Variants in VAV1 observed in about 807,000 individuals in gnomAD.
VAV1 encodes proto-oncogene vav.
Under a neutral mutation model 128.1 loss-of-function variants are expected in VAV1, and 33 were observed. The observed-to-expected ratio is 0.26, with a 90% CI of 0.20 to 0.34. VAV1 has a LOEUF of 0.34. Among genes scored for constraint, VAV1 ranks in the 10% least tolerant of loss-of-function variants. VAV1 has a pLI of 1.00. For synonymous variants in VAV1, 394 were observed against 409.8 expected (o/e 0.96, Z 0.47); for missense variants, 715 against 1,093.7 (o/e 0.65, Z 4.88).
chr19:6,854,440 C>T (rs982431376), intron 26 of VAV1, among the ~76,000 whole-genome samples: 3 of 152,046 alleles, frequency 2.0e-5, no homozygotes, highest in South Asian at 2.1e-4. Flanking sequence ...GTGCCAGTCA[C>T]GGTGGCTCAT....
chr19:6,803,098 C>T, intron 1 of VAV1, among the ~76,000 whole-genome samples: 1 of 152,102 alleles, frequency 6.6e-6, no homozygotes. Context: ...TGGGACGGTT[C>T]TTTGTTTTGC....
chr19:6,826,693 C>T lies in VAV1; in HGVS notation c.909C>T (p.Asp303=), dbSNP rs368533641. The T allele has an allele frequency of 5.8e-5, 90 of 1,554,082 alleles. No homozygotes were observed. The highest frequency in any genetic ancestry group is 6.9e-5 in the Non-Finnish European group (79 of 1,152,488). ...HLDRVAAARE[D]VQMKLEECSQ... ...ACCGTGTGGCCGCAGCCCGGGAGGACGTGCAGATGAAGCTGGAGGTGGGCG... is the reference window on the plus strand; with the variant it reads ...ACCGTGTGGCCGCAGCCCGGGAGGATGTGCAGATGAAGCTGGAGGTGGGCG... Residue 303 remains aspartate, a synonymous_variant, in exon 9 of 27, where the codon GAC becomes GAT. Coordinates refer to ENST00000602142, the MANE Select transcript of VAV1 (RefSeq NM_005428.4). The surrounding 1 kb of genome is among the most constrained non-coding windows in gnomAD (Gnocchi z 4.1).
chr19:6,790,854 A>G (rs1971003334), intron 1 of VAV1, among the ~76,000 whole-genome samples: 2 of 152,200 alleles, frequency 1.3e-5, no homozygotes, highest in Non-Finnish European at 2.9e-5. Context: ...TTGCCATGGA[A>G]GGGGGCATCA....
At chr19:6,852,733 A>G (rs1163456798) in intron 24 of VAV1, among the ~76,000 whole-genome samples, 2 of 151,868 alleles carry the variant, frequency 1.3e-5, no homozygotes, top group East Asian at 1.9e-4. Flanking sequence ...AGAAAAAAAA[A>G]AAAGAAAGAA....
intron 1 of VAV1, among the ~76,000 whole-genome samples, chr19:6,811,503 G>A (rs1821137602): frequency 6.6e-6 from 1 of 152,132 alleles, no homozygotes; most frequent in African/African-American, 2.4e-5. Context: ...GTTAAGGGAG[G>A]CTGCAGTTGG....
At position 6,836,482 on chromosome 19, in the gene VAV1, C is replaced by A; in HGVS notation, c.1828C>A (p.Pro610Thr). The change falls in exon 20 of 27, where the codon CCT becomes ACT. Residue 610 changes from proline (P) to threonine (T), a missense_variant. Transcript: ENST00000602142. ...FQEYYGLPPP[P>T]GAIGPFLRLN... ...GGAATACTACGGGCTTCCTCCACCC[C>A]CTGGAGCCATTGGACCCTTTCTACG... 1 of 1,614,102 alleles carries A rather than the reference C, an allele frequency of 6.2e-7. No individual in the cohort carries two copies. Among genetic ancestry groups the A allele is most frequent in the Non-Finnish European group, 8.5e-7 (1 of 1,180,026 alleles).
chr19:6,808,541 A>G (rs557957795), intron 1 of VAV1, among the ~76,000 whole-genome samples: 1 of 152,330 alleles, frequency 6.6e-6, no homozygotes, highest in African/African-American at 2.4e-5. Flanking sequence ...TACAATGTCA[A>G]AGACCAGCTC....
In VAV1 at chr19:6,822,585, G is replaced by T. The variant is rs1971820833; in HGVS notation, c.654+71G>T. On this transcript the variant is annotated intron_variant, in intron 6 of 26. Transcript: ENST00000602142. The surrounding 1 kb of genome is among the most constrained non-coding windows in gnomAD (Gnocchi z 5.9). ...TGGGCCGGCAGGTGCACGTCCACCT[G>T]TCCGGCCGCTCTGGGCAGCTGAGGA... The T allele has an allele frequency of 2.2e-6, 3 of 1,384,076 alleles. No homozygotes were observed. Among genetic ancestry groups the T allele is most frequent in the Non-Finnish European group, 3.0e-6 (3 of 1,013,780 alleles). The allele number at this position is 1,384,076 out of a possible 1,614,324, so 85.7% of individuals were successfully genotyped here.
At chr19:6,852,866 G>C in intron 24 of VAV1, 99 bp from the exon 25 acceptor site, 2 of 889,304 alleles carry the variant, frequency 2.2e-6, no homozygotes, top group Non-Finnish European at 3.5e-6. Context: ...CAGAAACAGG[G>C]CCTGCTTCAT....
chr19:6,833,756 C>T (rs772817579), intron 18 of VAV1, 23 bp downstream of exon 18: 1 of 1,614,142 alleles, frequency 6.2e-7, no homozygotes, highest in East Asian at 2.2e-5. Context: ...CGTGGTCCTT[C>T]CTGTGTACCA....
chr19:6,848,880 G>A (rs926054471), intron 23 of VAV1, among the ~76,000 whole-genome samples: 3 of 149,650 alleles, frequency 2.0e-5, no homozygotes, highest in African/African-American at 7.4e-5. Context: ...TGCAACCTCT[G>A]CCTCCCAGAT....
rs374671910 is a variant in VAV1, at chr19:6,826,732, C to T, written c.927+21C>T. The T allele has an allele frequency of 6.2e-4, 950 of 1,530,908 alleles. 3 individuals are homozygous for T. Among genetic ancestry groups the T allele is most frequent in the South Asian group, 6.9e-4 (58 of 83,916 alleles). 94.8% of individuals were successfully genotyped at this position (1,530,908 alleles called of 1,614,324 possible). ...TGGAGGTGGGCGCCGGGCCACTTCT[C>T]GGGGGCCTCTCCCGCTCCTCCCCAG... On this transcript the variant is annotated intron_variant, in intron 9 of 26. Transcript: ENST00000602142. The surrounding 1 kb of genome is among the most constrained non-coding windows in gnomAD (Gnocchi z 4.1).
intron 1 of VAV1, among the ~76,000 whole-genome samples, chr19:6,773,708 T>TG (rs985822861): frequency 3.3e-4 from 51 of 152,250 alleles, no homozygotes; most frequent in African/African-American, 1.2e-3. Flanking sequence ...GGGCCCAGGC[T>TG]GGAGGGGTGG....
intron 1 of VAV1, among the ~76,000 whole-genome samples, chr19:6,811,688 C>T (rs980362169): frequency 6.6e-6 from 1 of 152,090 alleles, no homozygotes; most frequent in African/African-American, 2.4e-5. Flanking sequence ...CTGTAAGAAT[C>T]GGCAAGAGAA....
intron 22 of VAV1, among the ~76,000 whole-genome samples, chr19:6,845,299 C>A (rs1197540383): frequency 6.6e-6 from 1 of 152,096 alleles, no homozygotes; most frequent in Non-Finnish European, 1.5e-5. Context: ...GCAGGGGAAT[C>A]GCTTGAACCT....
intron 1 of VAV1, among the ~76,000 whole-genome samples, chr19:6,774,067 T>G (rs1331804961): frequency 2.6e-5 from 4 of 152,100 alleles, no homozygotes; most frequent in Admixed American, 2.6e-4. Context: ...CGGGTGGTTT[T>G]CAGGGGCAGG....
At chr19:6,814,671 C>CCTCTTTCTTTCTTTCTTT (rs1971588415) in intron 1 of VAV1, among the ~76,000 whole-genome samples, 1 of 25,796 alleles carries the variant, frequency 3.9e-5, no homozygotes. Flanking sequence ...TTCCTTCCTT[C>CCTCTTTCTTTCTTTCTTT]CTTTCTTTCT....
chr19:6,838,214 T>TTATC (rs56244281), intron 21 of VAV1, among the ~76,000 whole-genome samples: 111,595 of 146,786 alleles, frequency 0.76, 43,415 homozygotes, highest in Non-Finnish European at 0.86. Flanking sequence ...TACCCATCTA[T>TTATC]TATCTATCTA....
intron 1 of VAV1, among the ~76,000 whole-genome samples, chr19:6,819,335 T>C (rs574683711): frequency 1.8e-4 from 27 of 152,360 alleles, no homozygotes; most frequent in African/African-American, 6.5e-4. Flanking sequence ...GAAAACACTT[T>C]GTGATGTGCT....
Sources: gnomAD v4.1 joint callset for allele counts (sites outside exome capture counted in the v4.1 genomes callset) on GRCh38, gnomAD v4.1.1 for gene constraint, Gnocchi (gnomAD v3.1) non-coding constraint, MANE v1.5 for transcripts, NCBI Gene and HGNC (gene_info 2026-07-23, HGNC 2026-07-21) for gene names.